Variants in STARD9 observed in about 807,000 individuals in gnomAD.
STARD9 encodes StAR related lipid transfer domain containing 9, also known as stAR-related lipid transfer protein 9.
In STARD9, 346 loss-of-function variants were observed where a neutral mutation model predicts 399.8. The observed-to-expected ratio is 0.87, with a 90% CI of 0.79 to 0.95. STARD9 has a LOEUF of 0.95. STARD9 is among the 40% of genes least tolerant of loss of function. The probability of loss-of-function intolerance (pLI) is 0.00; values close to 1 mark genes in which losing one functional copy is unlikely to be tolerated. For missense variants in STARD9, 5,832 were observed against 5,667.5 expected (o/e 1.03, Z -0.93); for synonymous variants, 2,203 against 2,143.5 (o/e 1.03, Z -0.77).
chr15:42,701,353 A>G lies in STARD9; in HGVS notation c.13284+5473A>G, dbSNP rs186297735. On this transcript the variant is annotated intron_variant, in intron 26 of 32. Transcript: ENST00000290607. Reference sequence around the variant, plus strand: ...TTTGGGTGATATGGACATTTTAACAATATTCTTCCAATCCATGAACATGGG... The same window carrying G: ...TTTGGGTGATATGGACATTTTAACAGTATTCTTCCAATCCATGAACATGGG... 8.5e-5 allele frequency among the ~76,000 whole-genome samples: 13 copies of G among 152,278 alleles called. No homozygotes were observed. The East Asian group carries it at 1.5e-3, about 18-fold the overall frequency.
intron 31 of STARD9, 118 bp from the exon 32 acceptor site, chr15:42,718,634 G>T (rs2061395405): frequency 7.0e-7 from 1 of 1,425,438 alleles, no homozygotes; most frequent in East Asian, 2.5e-5. Flanking sequence ...CTGGAGCCAG[G>T]GTAGGGGTGG....
chr15:42,663,971 AT>A (rs941492121), intron 13 of STARD9, 54 bp downstream of exon 13: 158 of 1,215,972 alleles, frequency 1.3e-4, no homozygotes, highest in East Asian at 1.8e-4. Flanking sequence ...AGCTTTCCTT[AT>A]TTTTTTTTCT....
Position 42,693,144 on chromosome 15 carries a change from G to A in STARD9, c.11566G>A (p.Val3856Ile). ...SQPEESYCLV[V>I]SSPSPSSPHS... ...GCCAGAGGAGTCATATTGCTTAGTT[G>A]TCAGCAGTCCCAGTCCCAGCTCCCC... is the stretch of plus-strand genomic sequence containing the variant. Residue 3856 changes from valine (V) to isoleucine (I), a missense_variant, in exon 23 of 33, where the codon GTC (valine) becomes ATC (isoleucine). Around this residue, in one of 2 missense-constraint regions of STARD9, gnomAD observed 5,828 missense variants for 5,651.1 expected, o/e 1.03. Coordinates refer to ENST00000290607, the MANE Select transcript of STARD9 (RefSeq NM_020759.3). 6.5e-7 allele frequency: 1 copy of A among 1,537,100 alleles called. No individual in the cohort carries two copies. Among genetic ancestry groups the A allele is most frequent in the South Asian group, 1.2e-5 (1 of 84,052 alleles).
chr15:42,603,995 T>G (rs992849038), intron 3 of STARD9, among the ~76,000 whole-genome samples: 2 of 152,212 alleles, frequency 1.3e-5, no homozygotes, highest in African/African-American at 4.8e-5. Context: ...TGTGTTAGTT[T>G]TACAAAGGTG....
At chr15:42,630,000 C>CTTTTTTTTTTTTTTTTTTTTTT (rs1158967224) in intron 3 of STARD9, 1 of 124,294 alleles carries the variant, frequency 8.0e-6, no homozygotes, top group Non-Finnish European at 1.7e-5. Context: ...TCTTTTTTTT[C>CTTTTTTTTTTTTTTTTTTTTTT]TTTTTTTTTT....
chr15:42,684,098 C>A lies in STARD9; in HGVS notation c.2538-18C>A. ...GTACCTCTCACATCTTCTGAGATAG[C>A]TTTCCTTGTCTTCACAGCATTTTCC... On this transcript the variant is annotated intron_variant, in intron 22 of 32. Transcript: ENST00000290607. The A allele has an allele frequency of 6.6e-7, 1 of 1,512,592 alleles. No homozygotes were observed. The highest frequency in any genetic ancestry group is 8.8e-7 in the Non-Finnish European group (1 of 1,131,040). 93.7% of individuals were successfully genotyped at this position (1,512,592 alleles called of 1,614,324 possible).
intron 15 of STARD9, among the ~76,000 whole-genome samples, chr15:42,666,393 G>C (rs2060103767): frequency 6.6e-6 from 1 of 152,156 alleles, no homozygotes; most frequent in South Asian, 2.1e-4. Flanking sequence ...AGGTTTGCTA[G>C]GGTTGTTACA....
chr15:42,647,983 A>G (rs971648581), intron 7 of STARD9, among the ~76,000 whole-genome samples: 1 of 152,230 alleles, frequency 6.6e-6, no homozygotes, highest in African/African-American at 2.4e-5. Context: ...TTCCCAGACA[A>G]TAAACCTTTT....
rs535353221 is a variant in STARD9, at chr15:42,633,890, C to T, written c.235-966C>T. On this transcript the variant is annotated intron_variant, in intron 3 of 32. Transcript: ENST00000290607. The stretch of plus-strand genomic sequence containing the variant: ...AACTCCTGACCTCAGGTGATCCACC[C>T]ACCTCATCCTCCCAAAGTGTTGGAA... Among the ~76,000 whole-genome samples the T allele has an allele frequency of 4.6e-5, 7 of 152,172 alleles. No homozygotes were observed. The South Asian group carries it at 1.5e-3, about 32-fold the overall frequency.
Position 42,575,823 on chromosome 15 carries a change from C to T in STARD9, c.47+61C>T, listed in dbSNP as rs1030103943. The T allele has an allele frequency of 1.8e-5, 27 of 1,485,436 alleles. 1 individual carries two copies. The highest frequency in any genetic ancestry group is 1.7e-4 in the African/African-American group (12 of 72,062). The allele number at this position is 1,485,436 out of a possible 1,614,324, so 92.0% of individuals were successfully genotyped here. A position where few individuals can be genotyped will look rare whatever the true frequency, so the allele number is the denominator to read the frequency against. ...CAGGAGCTGAAAAGAGCGGGAGGTC[C>T]GCGTCTCCCCCTGCAGAGATTCTGG... On this transcript the variant is annotated intron_variant, in intron 1 of 32. Transcript: ENST00000290607.
At chr15:42,607,220 T>TTTTTTA (rs60665683) in intron 3 of STARD9, among the ~76,000 whole-genome samples, 1 of 124,972 alleles carries the variant, frequency 8.0e-6, no homozygotes, top group Non-Finnish European at 1.7e-5. Flanking sequence ...TTTTTTTTTT[T>TTTTTTA]AAGATGGAGT....
chr15:42,619,737 C>G (rs1227442229), intron 3 of STARD9, among the ~76,000 whole-genome samples: 1 of 152,166 alleles, frequency 6.6e-6, no homozygotes, highest in African/African-American at 2.4e-5. Context: ...GCTTTACTTG[C>G]TCCTCGCCTG....
chr15:42,607,997 A>G (rs953912570), intron 3 of STARD9, among the ~76,000 whole-genome samples: 2 of 150,186 alleles, frequency 1.3e-5, no homozygotes, highest in Non-Finnish European at 3.0e-5. Flanking sequence ...GCTCACCCCC[A>G]CCCCCCGCAG....
Position 42,689,932 on chromosome 15 carries a change from A to C in STARD9, c.8354A>C (p.Glu2785Ala). 20 of 1,537,704 alleles carry C rather than the reference A, an allele frequency of 1.3e-5. No individual in the cohort carries two copies. Among genetic ancestry groups the C allele is most frequent in the Non-Finnish European group, 1.7e-5 (19 of 1,147,018 alleles). The change falls in exon 23 of 33, where the codon GAA becomes GCA. Residue 2785 changes from glutamate to alanine, a missense_variant. This residue lies in a region of STARD9 where 5,828 missense variants were observed against 5,651.1 expected (regional missense o/e 1.03). Coordinates refer to ENST00000290607, the MANE Select transcript of STARD9 (RefSeq NM_020759.3). ...CAGGACAGCAGCCCAGAGCATCAGG[A>C]ACCCAGAACTCTAGACACCACATAT... ...GSQDSSPEHQ[E>A]PRTLDTTYGE...
At chr15:42,629,230 G>A (rs1595669905) in intron 3 of STARD9, among the ~76,000 whole-genome samples, 1 of 152,054 alleles carries the variant, frequency 6.6e-6, no homozygotes, top group Non-Finnish European at 1.5e-5. Context: ...CATGTTGCCA[G>A]GCTGATATTC....
chr15:42,649,751 G>A (rs1277140670), intron 7 of STARD9, among the ~76,000 whole-genome samples: 1 of 151,542 alleles, frequency 6.6e-6, no homozygotes, highest in Non-Finnish European at 1.5e-5. Flanking sequence ...AGTCGAGGTG[G>A]GGTTTCACCA....
chr15:42,598,766 T>C (rs1054431851), intron 3 of STARD9, among the ~76,000 whole-genome samples: 2 of 152,208 alleles, frequency 1.3e-5, no homozygotes, highest in Non-Finnish European at 2.9e-5. Flanking sequence ...TTATCATTAG[T>C]TGTAATTTTC....
chr15:42,661,027 A>G, intron 9 of STARD9, 131 bp from the exon 10 acceptor site: 1 of 630,166 alleles, frequency 1.6e-6, no homozygotes, highest in Non-Finnish European at 2.8e-6. Flanking sequence ...CCTGGTTTAC[A>G]TCACATTAGA....
intron 13 of STARD9, 136 bp from the exon 14 acceptor site, chr15:42,665,117 C>T (rs2060068771): frequency 6.0e-6 from 4 of 665,854 alleles, no homozygotes; most frequent in Non-Finnish European, 1.0e-5. Flanking sequence ...GGTCCTGGGA[C>T]CACAACTTGA....
Sources: gnomAD v4.1 joint callset for allele counts (sites outside exome capture counted in the v4.1 genomes callset) on GRCh38, gnomAD v4.1.1 for gene constraint, gnomAD v4.1.1 regional missense constraint, MANE v1.5 for transcripts, NCBI Gene and HGNC (gene_info 2026-07-23, HGNC 2026-07-21) for gene names.